The following ASNS variants were observed in gnomAD, a reference collection of about 807,000 sequenced individuals.
The protein encoded by ASNS is asparagine synthetase [glutamine-hydrolyzing].
ASNS carries 37 observed loss-of-function variants against 62.6 expected under a neutral mutation model. The observed-to-expected ratio is 0.59, with a 90% CI of 0.45 to 0.78. ASNS has a LOEUF of 0.78. Ranked by LOEUF, ASNS falls within the 30% of genes least tolerant of loss-of-function variation. The pLI is 0.00. For synonymous variants in ASNS, 207 were observed against 237.9 expected, an observed-to-expected ratio of 0.87 and a Z score of 1.19; for missense variants, 520 against 682.4, an observed-to-expected ratio of 0.76 and a Z score of 2.65.
At chr7:97,895,816 A>T in the ASNS span, among the ~76,000 whole-genome samples, 1 of 152,316 alleles carries the variant, frequency 6.6e-6, no homozygotes, top group South Asian at 2.1e-4. Flanking sequence ...AAACATTTTT[A>T]AAAACGGATG....
the ASNS span, among the ~76,000 whole-genome samples, chr7:97,882,650 A>C: frequency 7.7e-6 from 1 of 129,838 alleles, no homozygotes; most frequent in Non-Finnish European, 1.8e-5. Context: ...AATAAATACC[A>C]CCGATATGAA....
chr7:97,916,203 A>G, the ASNS span, among the ~76,000 whole-genome samples: 1 of 151,762 alleles, frequency 6.6e-6, no homozygotes, highest in Non-Finnish European at 1.5e-5. Context: ...ACATGGTGAA[A>G]CTCCCTCTCT....
intron 12 of ASNS, 91 bp downstream of exon 12, chr7:97,852,969 G>A: frequency 6.5e-6 from 8 of 1,236,340 alleles, no homozygotes; most frequent in Non-Finnish European, 8.8e-6. Flanking sequence ...CTAAATACAT[G>A]TATCATTCAA....
At chr7:97,918,946 TA>T in the ASNS span, among the ~76,000 whole-genome samples, 2 of 151,968 alleles carry the variant, frequency 1.3e-5, no homozygotes, top group African/African-American at 4.8e-5. Flanking sequence ...GAATAAAAAA[TA>T]AAAAGAAATC....
At chr7:97,862,125 TG>T (rs36063366) in intron 4 of ASNS, among the ~76,000 whole-genome samples, 65,030 of 151,964 alleles carry the variant, frequency 0.43, 14,139 homozygotes, top group East Asian at 0.55. Context: ...CAATTAGAAA[TG>T]GGTAATTCAA....
the ASNS span, chr7:97,885,771 G>A: frequency 8.1e-6 from 2 of 247,276 alleles, no homozygotes; most frequent in South Asian, 9.9e-5. Context: ...AGGTCAACAT[G>A]TATAAAATAT....
the ASNS span, chr7:97,908,715 A>AT: frequency 1.3e-5 from 2 of 152,158 alleles, no homozygotes; most frequent in Admixed American, 1.3e-4. Flanking sequence ...TCTGTATTAA[A>AT]TTTTTTAAAA....
the ASNS span, among the ~76,000 whole-genome samples, chr7:97,917,670 G>A: frequency 2.0e-4 from 31 of 152,318 alleles, no homozygotes; most frequent in Middle Eastern, 6.8e-3. Context: ...TCTTTCCTCT[G>A]TTTCTGCTGC....
the ASNS span, chr7:97,898,472 C>T: frequency 1.5e-5 from 8 of 536,110 alleles, no homozygotes; most frequent in Non-Finnish European, 2.1e-5. Flanking sequence ...CCAGGGTTCT[C>T]CAGCATTTTT....
intron 8 of ASNS, 140 bp from the exon 9 acceptor site, chr7:97,855,599 T>A (rs778684099): frequency 3.5e-5 from 18 of 518,744 alleles, no homozygotes; most frequent in Non-Finnish European, 5.4e-5. Context: ...TCCACAATAA[T>A]GACCTTGTAT....
the ASNS span, among the ~76,000 whole-genome samples, chr7:97,895,945 T>A: frequency 6.1e-5 from 9 of 147,138 alleles, no homozygotes; most frequent in African/African-American, 2.3e-4. Flanking sequence ...TTACAATAGC[T>A]ACAAAAATAA....
At chr7:97,900,974 G>A in the ASNS span, among the ~76,000 whole-genome samples, 1 of 152,178 alleles carries the variant, frequency 6.6e-6, no homozygotes, top group Non-Finnish European at 1.5e-5. Flanking sequence ...TCTCTCAAAG[G>A]AAAAATGCTA....
chr7:97,897,601 C>G, the ASNS span, among the ~76,000 whole-genome samples: 1 of 152,030 alleles, frequency 6.6e-6, no homozygotes, highest in South Asian at 2.1e-4. Flanking sequence ...AAAGACAAAG[C>G]ACAACAAATG....
the ASNS span, among the ~76,000 whole-genome samples, chr7:97,893,240 G>A: frequency 6.6e-6 from 1 of 152,258 alleles, no homozygotes; most frequent in African/African-American, 2.4e-5. Flanking sequence ...CTGCCTCCAT[G>A]ATTCAACTAC....
At chr7:97,884,526 G>C in the ASNS span, among the ~76,000 whole-genome samples, 1 of 152,108 alleles carries the variant, frequency 6.6e-6, no homozygotes, top group East Asian at 1.9e-4. Context: ...CCAAGCCTGG[G>C]CGTCAAGAGT....
chr7:97,882,715 G>C, the ASNS span, among the ~76,000 whole-genome samples: 2 of 152,036 alleles, frequency 1.3e-5, no homozygotes. Context: ...GGGAGTGATG[G>C]TGGTGGTGCA....
chr7:97,870,762 C>G (rs11486966), intron 1 of ASNS, among the ~76,000 whole-genome samples: 66,404 of 151,988 alleles, frequency 0.44, 14,626 homozygotes, highest in East Asian at 0.54. Context: ...CAAGTATGGT[C>G]ATCAGGGAAT....
chr7:97,915,263 T>G, the ASNS span, among the ~76,000 whole-genome samples: 1 of 152,208 alleles, frequency 6.6e-6, no homozygotes, highest in East Asian at 1.9e-4. Context: ...GTTGGAGAGC[T>G]ACCATGAGAG....
the ASNS span, among the ~76,000 whole-genome samples, chr7:97,906,113 C>T: frequency 6.6e-6 from 1 of 152,168 alleles, no homozygotes; most frequent in East Asian, 1.9e-4. Context: ...GTCCCTGAGA[C>T]ATCTCATCAC....
Sources: allele counts gnomAD v4.1 joint callset (sites outside exome capture counted in the v4.1 genomes callset), GRCh38; gene constraint gnomAD v4.1.1; transcripts MANE v1.5; gene names NCBI Gene and HGNC (gene_info 2026-07-23, HGNC 2026-07-21).